Variants in RNF32 observed in about 807,000 individuals in gnomAD.
RNF32 encodes ring finger protein 32.
Under a neutral mutation model 41.0 loss-of-function variants are expected in RNF32, and 36 were observed. The ratio of observed to expected loss-of-function variants is 0.88; its 90% CI spans 0.67 to 1.16. The LOEUF is 1.16. Ranked by LOEUF, RNF32 falls within the 50% of genes most tolerant of loss-of-function variation. RNF32 has a pLI of 0.00. For missense variants in RNF32, 413 were observed against 436.7 expected, an observed-to-expected ratio of 0.95 and a Z score of 0.48; for synonymous variants, 154 against 160.9, an observed-to-expected ratio of 0.96 and a Z score of 0.32.
At chr7:156,652,681 TAACA>T (rs893221008) in intron 3 of RNF32, among the ~76,000 whole-genome samples, 6 of 151,854 alleles carry the variant, frequency 4.0e-5, no homozygotes, top group African/African-American at 1.5e-4. Context: ...TCTTAGTTTT[TAACA>T]AAAAAGTTAA....
chr7:156,675,633 G>A, intron 7 of RNF32, 63 bp from the exon 8 acceptor site: 1 of 1,438,732 alleles, frequency 7.0e-7, no homozygotes, highest in Non-Finnish European at 9.7e-7. Flanking sequence ...AGGCTCGAGA[G>A]CGCTTCCCTG....
At chr7:156,645,702 A>G (rs982012904) in intron 3 of RNF32, among the ~76,000 whole-genome samples, 12 of 152,232 alleles carry the variant, frequency 7.9e-5, no homozygotes, top group African/African-American at 2.9e-4. Flanking sequence ...GGGTTATATA[A>G]AAGGTTAACA....
chr7:156,640,930 G>A (rs1364875145), intron 1 of RNF32, 119 bp downstream of exon 1: 9 of 187,748 alleles, frequency 4.8e-5, no homozygotes, highest in African/African-American at 1.7e-4. Context: ...GAGCCGGGCC[G>A]GCGATGGCCG....
rs112787889 is a variant in RNF32 at position 156,673,206 on chromosome 7, T to G, written c.685-2490T>G. Among the ~76,000 whole-genome samples, 690 of 152,352 alleles carry G rather than the reference T, an allele frequency of 4.5e-3. 3 individuals are homozygous for G. Among genetic ancestry groups the G allele is most frequent in the Non-Finnish European group, 6.0e-3 (405 of 68,026 alleles). ...ACTTTGCAAGGTCTGGACTAGAATG[T>G]GACCCTTTTTCTGAGGTATAATTTT... is the stretch of plus-strand genomic sequence containing the variant. On this transcript the variant is annotated intron_variant, in intron 7 of 8. Transcript: ENST00000317955.
intron 7 of RNF32, chr7:156,659,394 C>T (rs754778330): frequency 1.4e-5 from 14 of 985,824 alleles, no homozygotes; most frequent in Non-Finnish European, 1.7e-5. Flanking sequence ...TCATTCGTCT[C>T]GGGTGTTCAT....
chr7:156,640,359 C>G (rs1394867307), upstream of RNF32: 3 of 445,014 alleles, frequency 6.7e-6, no homozygotes, highest in African/African-American at 6.2e-5. Context: ...AGGAGCGTGG[C>G]TGCGCCCACA....
chr7:156,661,859 G>A (rs373402617), intron 7 of RNF32, among the ~76,000 whole-genome samples: 11 of 152,276 alleles, frequency 7.2e-5, no homozygotes, highest in Admixed American at 2.6e-4. Context: ...ACAAGTGACC[G>A]TGTTATCTGC....
chr7:156,676,644 C>A lies in RNF32; in HGVS notation c.1078C>A (p.Leu360Ile), dbSNP rs199567420. 2 of 1,613,150 alleles carry A rather than the reference C, an allele frequency of 1.2e-6. No homozygotes were observed. Among genetic ancestry groups the A allele is most frequent in the Non-Finnish European group, 1.7e-6 (2 of 1,179,174 alleles). The change falls in exon 9 of 9, where the codon CTT (leucine) becomes ATT (isoleucine). Residue 360 changes from leucine to isoleucine, a missense_variant. By Grantham distance (5) the Leu-to-Ile change is conservative (BLOSUM62 2). Transcript: ENST00000317955. ...LCRSCYQKKI[L>I]EC ...CCGCTCCTGCTACCAGAAGAAGATT[C>A]TTGAATGTTGAATTCATAGTCAAGG...
At chr7:156,642,726 C>A (rs1797517382) in intron 1 of RNF32, among the ~76,000 whole-genome samples, 1 of 152,224 alleles carries the variant, frequency 6.6e-6, no homozygotes. Flanking sequence ...CTCACACTCA[C>A]TCAGACGGGG....
intron 3 of RNF32, chr7:156,646,470 T>C: frequency 7.7e-7 from 1 of 1,302,496 alleles, no homozygotes; most frequent in South Asian, 1.2e-5. Flanking sequence ...ATTCATAGGA[T>C]GTACAGCCAA....
At chr7:156,653,885 G>A (rs1799170471) in intron 3 of RNF32, among the ~76,000 whole-genome samples, 1 of 152,224 alleles carries the variant, frequency 6.6e-6, no homozygotes, top group Non-Finnish European at 1.5e-5. Context: ...AGCTGGGAGA[G>A]GCAGTGCTGA....
chr7:156,644,630 C>A lies in RNF32; in HGVS notation c.147C>A (p.Asn49Lys). ...AGACACAAGTACAAAAGAAAGAGAA[C>A]AAATCTCTAAAAAGAGATACAAAGG... ...HSKTQVQKKE[N>K]KSLKRDTKAI... The change falls in exon 3 of 9, where the codon AAC becomes AAA. Residue 49 changes from asparagine (N) to lysine (K), a missense_variant. Coordinates refer to ENST00000317955, the MANE Select transcript of RNF32 (RefSeq NM_030936.4). 1 of 1,613,124 alleles carries A rather than the reference C, an allele frequency of 6.2e-7. No individual in the cohort carries two copies.
chr7:156,671,091 G>A (rs1802388278), intron 7 of RNF32, among the ~76,000 whole-genome samples: 1 of 152,166 alleles, frequency 6.6e-6, no homozygotes, highest in Non-Finnish European at 1.5e-5. Flanking sequence ...TGCACTTCTA[G>A]GGCAATAGCT....
intron 8 of RNF32, 33 bp from the exon 9 acceptor site, chr7:156,676,386 C>G (rs753204431): frequency 3.1e-6 from 5 of 1,613,888 alleles, no homozygotes; most frequent in Non-Finnish European, 4.2e-6. Flanking sequence ...TGAAACTAAC[C>G]CGCGTGGCCT....
chr7:156,676,796 T>C lies in RNF32; in HGVS notation c.*141T>C. ...AGCTATTGGTAGTTGTAGGAAATCTTAGTATATTTTAAAAGCTGACATCCC... is the reference window on the plus strand; with the variant it reads ...AGCTATTGGTAGTTGTAGGAAATCTCAGTATATTTTAAAAGCTGACATCCC... On this transcript the variant is annotated 3_prime_UTR_variant, in exon 9 of 9. Transcript: ENST00000317955. The C allele has an allele frequency of 1.5e-6, 1 of 645,508 alleles. No homozygotes were observed. The allele number at this position is 645,508 out of a possible 1,614,324, so 40.0% of individuals were successfully genotyped here.
chr7:156,642,209 AACCAGTTTC>A, intron 1 of RNF32, among the ~76,000 whole-genome samples: 1 of 152,242 alleles, frequency 6.6e-6, no homozygotes, highest in East Asian at 1.9e-4. Flanking sequence ...TGTACAAGGA[AACCAGTTTC>A]ACCATAGGTT....
rs1797184312 is a variant in RNF32, at chr7:156,640,823, C to T, written c.-78+12C>T. On this transcript the variant is annotated intron_variant, in intron 1 of 8. Transcript: ENST00000317955. ...GCGGAGGAGTCGAGGCACGGAGAGGCTTCGGGGGAGGGACGGAAAGAAGGG... is the reference window on the plus strand; with the variant it reads ...GCGGAGGAGTCGAGGCACGGAGAGGTTTCGGGGGAGGGACGGAAAGAAGGG... 9.3e-6 allele frequency: 2 copies of T among 214,298 alleles called. No individual in the cohort carries two copies. Among genetic ancestry groups the T allele is most frequent in the Admixed American group, 1.3e-4 (2 of 15,798 alleles). The allele number at this position is 214,298 out of a possible 1,614,324, so 13.3% of individuals were successfully genotyped here.
At chr7:156,675,940 G>A in intron 8 of RNF32, 77 bp downstream of exon 8, 5 of 1,430,432 alleles carry the variant, frequency 3.5e-6, no homozygotes, top group Non-Finnish European at 4.8e-6. Flanking sequence ...CATGTGGGGG[G>A]AGGTCGAGGA....
rs189442439 is a variant in RNF32, at chr7:156,659,493, A to G, written c.684+923A>G. On this transcript the variant is annotated intron_variant, in intron 7 of 8. Transcript: ENST00000317955. The stretch of plus-strand genomic sequence containing the variant: ...TTTTTATCTTCAGTCGTTGACAGTC[A>G]GTTGTGTTCTCTGGGCTACTCTTAG... 149 of 985,312 alleles carry G rather than the reference A, an allele frequency of 1.5e-4. No homozygotes were observed. In the African/African-American group the frequency reaches 2.5e-3, roughly 16 times the overall value. 61.0% of individuals were successfully genotyped at this position (985,312 alleles called of 1,614,324 possible). A position where few individuals can be genotyped will look rare whatever the true frequency, so the allele number is the denominator to read the frequency against.
Sources: allele counts gnomAD v4.1 joint callset (sites outside exome capture counted in the v4.1 genomes callset), GRCh38; gene constraint gnomAD v4.1.1; transcripts MANE v1.5; gene names NCBI Gene and HGNC (gene_info 2026-07-23, HGNC 2026-07-21).